The following TBC1D22B variants were observed in gnomAD, a reference collection of about 807,000 sequenced individuals.
TBC1D22B encodes the protein TBC1 domain family member 22B.
Under a neutral mutation model 69.1 loss-of-function variants are expected in TBC1D22B, and 32 were observed. That is an observed-to-expected ratio of 0.46 (90% CI 0.35 to 0.62). The LOEUF is 0.62. Ranked by LOEUF, TBC1D22B falls within the 20% of genes least tolerant of loss-of-function variation. The pLI is 0.00. For missense variants in TBC1D22B, 462 were observed against 630.9 expected (o/e 0.73, Z 2.87); for synonymous variants, 206 against 229.8 (o/e 0.90, Z 0.94).
intron 8 of TBC1D22B, among the ~76,000 whole-genome samples, chr6:37,298,616 G>T (rs566031402): frequency 1.6e-4 from 23 of 141,056 alleles, no homozygotes; most frequent in African/African-American, 5.8e-4. Context: ...CGCGATCTCG[G>T]CTCACTGCAA....
At chr6:37,275,804 C>A (rs553423776) in intron 2 of TBC1D22B, among the ~76,000 whole-genome samples, 1 of 152,030 alleles carries the variant, frequency 6.6e-6, no homozygotes, top group African/African-American at 2.4e-5. Context: ...TTATGTATCT[C>A]CTCTGGAGAG....
chr6:37,320,186 G>A (rs1768198921), intron 12 of TBC1D22B, among the ~76,000 whole-genome samples: 1 of 152,204 alleles, frequency 6.6e-6, no homozygotes, highest in African/African-American at 2.4e-5. Context: ...GTTCAGAGAG[G>A]AAGCAGATAT....
chr6:37,260,983 ATTC>A (rs1410690126), intron 1 of TBC1D22B, among the ~76,000 whole-genome samples: 2 of 152,182 alleles, frequency 1.3e-5, no homozygotes, highest in Admixed American at 6.6e-5. Context: ...TATATTTTCT[ATTC>A]TTCTGCTGAT....
chr6:37,300,621 CA>C (rs1317329485), intron 8 of TBC1D22B, among the ~76,000 whole-genome samples: 1 of 152,058 alleles, frequency 6.6e-6, no homozygotes, highest in Non-Finnish European at 1.5e-5. Flanking sequence ...CTTGGCCTCC[CA>C]AAACACCGGG....
intron 8 of TBC1D22B, chr6:37,295,458 G>A: frequency 8.4e-6 from 2 of 237,888 alleles, no homozygotes. Context: ...TAGAAAGTCT[G>A]GTTTTATTTT....
At chr6:37,303,694 C>T (rs1767630178) in intron 8 of TBC1D22B, among the ~76,000 whole-genome samples, 1 of 152,212 alleles carries the variant, frequency 6.6e-6, no homozygotes, top group Non-Finnish European at 1.5e-5. Flanking sequence ...GCCCCTTAAA[C>T]TCAACAATCC....
intron 2 of TBC1D22B, among the ~76,000 whole-genome samples, chr6:37,275,701 G>A (rs1248984603): frequency 6.6e-6 from 1 of 152,124 alleles, no homozygotes; most frequent in Non-Finnish European, 1.5e-5. Context: ...ATTTAGCATA[G>A]GGTCTGGTGA....
In TBC1D22B at chr6:37,305,523, C is replaced by CTTT. The variant is rs35314504; in HGVS notation, c.983-7385_983-7383dup. On this transcript the variant is annotated intron_variant, in intron 8 of 12. Coordinates refer to ENST00000373491, the MANE Select transcript of TBC1D22B (RefSeq NM_017772.4). ...CACCTAGATTAGTTTTGCCTATTTCCTTTTTTTTTTTTGAGACGGAGTGTT... is the reference window on the plus strand; with the variant it reads ...CACCTAGATTAGTTTTGCCTATTTCCTTTTTTTTTTTTTTTGAGACGGAGTGTT... Among the ~76,000 whole-genome samples the CTTT allele has an allele frequency of 2.4e-4, 35 of 145,526 alleles. 1 individual carries two copies. Among genetic ancestry groups the CTTT allele is most frequent in the Admixed American group, 9.5e-4 (14 of 14,706 alleles).
chr6:37,317,153 G>T lies in TBC1D22B; in HGVS notation c.1336G>T (p.Ala446Ser). The T allele has an allele frequency of 6.3e-7, 1 of 1,579,436 alleles. No individual in the cohort carries two copies. The highest frequency in any genetic ancestry group is 8.6e-7 in the Non-Finnish European group (1 of 1,160,300). Residue 446 changes from alanine to serine, a missense_variant, in exon 12 of 13, where the codon GCA (alanine) becomes TCA (serine). This residue lies in a region of TBC1D22B where 225 missense variants were observed against 375.4 expected (regional missense o/e 0.60). Coordinates refer to ENST00000373491, the MANE Select transcript of TBC1D22B (RefSeq NM_017772.4). ...CTCCCACTTTCATCTCTACGTGTGT[G>T]CAGCCTTCTTGATCAAGTGGAGGAA... ...GFSHFHLYVC[A>S]AFLIKWRKEI...
In TBC1D22B at chr6:37,282,187, G is replaced by T; in HGVS notation, c.424G>T (p.Asp142Tyr). 1 of 1,613,930 alleles carries T rather than the reference G, an allele frequency of 6.2e-7. No homozygotes were observed. The highest frequency in any genetic ancestry group is 1.1e-5 in the South Asian group (1 of 91,074). Residue 142 changes from aspartate to tyrosine, a missense_variant and splice_region_variant, in exon 4 of 13, where the codon GAT becomes TAT. Asp to Tyr is a radical substitution (Grantham distance 160). This residue lies in a region of TBC1D22B where 237 missense variants were observed against 255.4 expected (regional missense o/e 0.93). Transcript: ENST00000373491. The stretch of plus-strand genomic sequence containing the variant: ...CTTTCTTTTTCAAATGATCTCAGGT[G>T]ATACATGCCTGAGGAACCCACTCCA... ...SDAQLSRNSS[D>Y]TCLRNPLHKQ...
At chr6:37,287,579 T>C (rs1767046893) in intron 7 of TBC1D22B, among the ~76,000 whole-genome samples, 1 of 152,234 alleles carries the variant, frequency 6.6e-6, no homozygotes, top group African/African-American at 2.4e-5. Flanking sequence ...TCTATTTGTC[T>C]CTAAGAATTT....
At chr6:37,304,838 A>G (rs147774864) in intron 8 of TBC1D22B, among the ~76,000 whole-genome samples, 74 of 152,346 alleles carry the variant, frequency 4.9e-4, no homozygotes, top group African/African-American at 1.7e-3. Flanking sequence ...ACAGACAATC[A>G]ACTGAAAAAA....
At chr6:37,321,530 ACCT>A (rs1768243775) in intron 12 of TBC1D22B, among the ~76,000 whole-genome samples, 1 of 152,122 alleles carries the variant, frequency 6.6e-6, no homozygotes, top group Admixed American at 6.5e-5. Flanking sequence ...CTTCCTTGTG[ACCT>A]CCTCCTATTC....
At chr6:37,275,536 A>C (rs1766643842) in intron 2 of TBC1D22B, among the ~76,000 whole-genome samples, 1 of 152,186 alleles carries the variant, frequency 6.6e-6, no homozygotes, top group African/African-American at 2.4e-5. Context: ...ATGCTGGCCC[A>C]GGAGTCAGGT....
intron 2 of TBC1D22B, among the ~76,000 whole-genome samples, chr6:37,274,224 T>C (rs965828564): frequency 6.6e-6 from 1 of 152,240 alleles, no homozygotes; most frequent in African/African-American, 2.4e-5. Flanking sequence ...TCTGGATTTA[T>C]TTGATTGTTA....
rs556676668 is a variant in TBC1D22B at position 37,310,022 on chromosome 6, T to A, written c.983-2896T>A. On this transcript the variant is annotated intron_variant, in intron 8 of 12. Coordinates refer to ENST00000373491, the MANE Select transcript of TBC1D22B (RefSeq NM_017772.4). Reference sequence around the variant, plus strand: ...ACTGTTAATATATAAATATATATTATAAAATATAAAATTATATTTACATAA... The same window carrying A: ...ACTGTTAATATATAAATATATATTAAAAAATATAAAATTATATTTACATAA... Among the ~76,000 whole-genome samples, 912 of 147,110 alleles carry A rather than the reference T, an allele frequency of 6.2e-3. 7 individuals carry two copies. Among genetic ancestry groups the A allele is most frequent in the African/African-American group, 0.021 (850 of 40,764 alleles).
At position 37,327,434 on chromosome 6, in the gene TBC1D22B, T is replaced by A. The variant is rs1428971261; in HGVS notation, c.1390-3610T>A. 1.7e-4 allele frequency among the ~76,000 whole-genome samples: 12 copies of A among 71,190 alleles called. 1 individual carries two copies. The highest frequency in any genetic ancestry group is 1.0e-3 in the African/African-American group (12 of 11,820). The allele number at this position is 71,190 out of a possible 152,430, so 46.7% of individuals were successfully genotyped here. ...CGGAGCTTGCAGTGAGCCGAGATCGTGCCACTGCACTCCAGCCTGGGCGAC... is the reference window on the plus strand; with the variant it reads ...CGGAGCTTGCAGTGAGCCGAGATCGAGCCACTGCACTCCAGCCTGGGCGAC... On this transcript the variant is annotated intron_variant, in intron 12 of 12. Transcript: ENST00000373491.
At chr6:37,325,854 T>G (rs1768381719) in intron 12 of TBC1D22B, among the ~76,000 whole-genome samples, 1 of 152,124 alleles carries the variant, frequency 6.6e-6, no homozygotes, top group African/African-American at 2.4e-5. Flanking sequence ...GGGTTTCCCA[T>G]TGTTGCAGCA....
At position 37,331,113 on chromosome 6, in the gene TBC1D22B, G is replaced by A; in HGVS notation, c.1459G>A (p.Ala487Thr). 3.7e-6 allele frequency: 6 copies of A among 1,614,086 alleles called. No homozygotes were observed. Among genetic ancestry groups the A allele is most frequent in the Admixed American group, 1.7e-5 (1 of 60,022 alleles). Residue 487 changes from alanine (A) to threonine (T), a missense_variant, in exon 13 of 13, where the codon GCC (alanine) becomes ACC (threonine). Transcript: ENST00000373491. The stretch of plus-strand genomic sequence containing the variant: ...CAACGAAGAAATTGGGCTGCTTCTC[G>A]CCGAGGCATACAGACTCAAGTACAT... ...WGNEEIGLLL[A>T]EAYRLKYMFA...
Sources: allele counts gnomAD v4.1 joint callset (sites outside exome capture counted in the v4.1 genomes callset), GRCh38; gene constraint gnomAD v4.1.1; regional missense constraint gnomAD v4.1.1; transcripts MANE v1.5; gene names NCBI Gene and HGNC (gene_info 2026-07-23, HGNC 2026-07-21).